GATB: variants seen among roughly 807,000 people sequenced by gnomAD.
GATB encodes the protein glutamyl-tRNA(Gln) amidotransferase subunit B, mitochondrial.
Under a neutral mutation model 62.3 loss-of-function variants are expected in GATB, and 39 were observed. The observed-to-expected ratio is 0.63, with a 90% CI of 0.48 to 0.82. The LOEUF is 0.82. Among genes scored for constraint, GATB ranks in the 40% least tolerant of loss-of-function variants. The pLI is 0.00. For synonymous variants in GATB, 276 were observed against 258.9 expected, an observed-to-expected ratio of 1.07 and a Z score of -0.63; for missense variants, 670 against 684.0, an observed-to-expected ratio of 0.98 and a Z score of 0.23.
At chr4:151,757,957 A>G (rs374465238) in intron 2 of GATB, among the ~76,000 whole-genome samples, 24 of 152,192 alleles carry the variant, frequency 1.6e-4, no homozygotes, top group African/African-American at 5.8e-4. Context: ...ATTAGCTAAA[A>G]CATTTACTTG....
Position 151,688,533 on chromosome 4 carries a change from G to A in GATB, c.1331+97C>T. The A allele has an allele frequency of 3.4e-6, 4 of 1,183,530 alleles. No individual in the cohort carries two copies. In the South Asian group the frequency reaches 6.0e-5, roughly 18 times the overall value. 73.3% of individuals were successfully genotyped at this position (1,183,530 alleles called of 1,614,324 possible). On this transcript the variant is annotated intron_variant, in intron 10 of 12. Coordinates refer to ENST00000263985, the MANE Select transcript of GATB (RefSeq NM_004564.3). The stretch of plus-strand genomic sequence containing the variant: ...TGTGTCATGTCAGGATATCCTGAGG[G>A]AGAACAGCAGGAGCAAAAAAATGGA...
chr4:151,701,251 C>T (rs1230545888), intron 9 of GATB, 78 bp downstream of exon 9: 1 of 1,206,012 alleles, frequency 8.3e-7, no homozygotes, highest in Non-Finnish European at 1.1e-6. Context: ...CCATGGCAGC[C>T]TGTGTGTGGC....
intron 2 of GATB, among the ~76,000 whole-genome samples, chr4:151,733,823 A>T (rs1433160459): frequency 6.6e-6 from 1 of 152,260 alleles, no homozygotes; most frequent in Non-Finnish European, 1.5e-5. Context: ...GGGATACACC[A>T]CATAAACAGA....
At chr4:151,721,961 G>A (rs1377754328) in intron 2 of GATB, 11 of 554,600 alleles carry the variant, frequency 2.0e-5, no homozygotes, top group Non-Finnish European at 3.2e-5. Context: ...GTGATACTGA[G>A]AATATGCTTT....
At chr4:151,683,500 G>C (rs1738184903) in intron 10 of GATB, among the ~76,000 whole-genome samples, 1 of 152,116 alleles carries the variant, frequency 6.6e-6, no homozygotes, top group Non-Finnish European at 1.5e-5. Flanking sequence ...CCTCTGACTT[G>C]ACCCCTAGCC....
Position 151,760,936 on chromosome 4 carries a change from G to A in GATB, c.47C>T (p.Ala16Val), listed in dbSNP as rs746009412. ...AGAACCACCGTCAACCCGGGCGAAA[G>A]CCCAACGTCTTCCACGGCAGCCCCA... The part of the protein sequence containing the change: ...LRWGCRGRRW[A>V]FARVDGGSCH... Residue 16 changes from alanine (A) to valine (V), a missense_variant, in exon 1 of 13, where the codon GCT becomes GTT. Transcript: ENST00000263985. 3.9e-5 allele frequency: 63 copies of A among 1,613,642 alleles called. No individual in the cohort carries two copies. The highest frequency in any genetic ancestry group is 4.9e-5 in the Non-Finnish European group (58 of 1,179,934).
In GATB at chr4:151,688,736, G is replaced by C. The variant is rs766116675; in HGVS notation, c.1225C>G (p.Gln409Glu). 1 of 1,607,028 alleles carries C rather than the reference G, an allele frequency of 6.2e-7. No homozygotes were observed. Among genetic ancestry groups the C allele is most frequent in the Admixed American group, 1.7e-5 (1 of 58,778 alleles). Reference protein sequence around the residue: ...LNEVGLLEFFQNVIKETRAEP... With the variant: ...LNEVGLLEFFENVIKETRAEP... Reference sequence around the variant, plus strand: ...GCCCTAGTTTCTTTTATCACATTTTGGAAGAACTCCAGTAGGCCGACTTCG... The same window carrying C: ...GCCCTAGTTTCTTTTATCACATTTTCGAAGAACTCCAGTAGGCCGACTTCG... Residue 409 changes from glutamine (Q) to glutamate (E), a missense_variant, in exon 10 of 13, where the codon CAA becomes GAA. By Grantham distance (29) the Gln-to-Glu change is conservative. Coordinates refer to ENST00000263985, the MANE Select transcript of GATB (RefSeq NM_004564.3).
At chr4:151,719,367 A>G in intron 3 of GATB, 58 bp downstream of exon 3, 1 of 1,246,956 alleles carries the variant, frequency 8.0e-7, no homozygotes, top group South Asian at 1.2e-5. Flanking sequence ...GACCCCCCAC[A>G]GCAGGGCTGG....
chr4:151,684,404 A>G (rs558583300), intron 10 of GATB, among the ~76,000 whole-genome samples: 1 of 152,362 alleles, frequency 6.6e-6, no homozygotes, highest in South Asian at 2.1e-4. Context: ...GCCAAGTTCA[A>G]CAAGAGGTTG....
At chr4:151,723,607 T>G (rs1167794293) in intron 2 of GATB, 1 of 152,240 alleles carries the variant, frequency 6.6e-6, no homozygotes, top group Non-Finnish European at 1.5e-5. Flanking sequence ...GGGCAAGCAT[T>G]GTGTTCTTTT....
intron 2 of GATB, chr4:151,723,215 G>C (rs1427015048): frequency 6.6e-6 from 1 of 152,170 alleles, no homozygotes; most frequent in African/African-American, 2.4e-5. Context: ...CTGACACTGT[G>C]TCAGGAGGTG....
chr4:151,748,154 A>G (rs569122620), intron 2 of GATB, among the ~76,000 whole-genome samples: 19 of 152,292 alleles, frequency 1.2e-4, no homozygotes, highest in South Asian at 2.1e-4. Flanking sequence ...ATAGAACTGG[A>G]AAAAACTACT....
intron 10 of GATB, among the ~76,000 whole-genome samples, chr4:151,687,867 TC>T (rs1396270415): frequency 6.6e-6 from 1 of 152,120 alleles, no homozygotes; most frequent in African/African-American, 2.4e-5. Context: ...ACCTCCAAAA[TC>T]ATGGGAAAGA....
At chr4:151,689,226 A>G (rs144826115) in intron 9 of GATB, among the ~76,000 whole-genome samples, 40 of 152,378 alleles carry the variant, frequency 2.6e-4, no homozygotes, top group African/African-American at 5.5e-4. Flanking sequence ...AAATCAAGAA[A>G]GAACAAACAG....
chr4:151,759,787 T>C (rs1739913492), intron 1 of GATB, among the ~76,000 whole-genome samples: 1 of 151,726 alleles, frequency 6.6e-6, no homozygotes, highest in South Asian at 2.1e-4. Flanking sequence ...ATTTTGTGTA[T>C]ATACATATAT....
intron 5 of GATB, among the ~76,000 whole-genome samples, chr4:151,712,344 T>C (rs1374181949): frequency 6.6e-6 from 1 of 152,228 alleles, no homozygotes; most frequent in Non-Finnish European, 1.5e-5. Flanking sequence ...TTAGGTTTAC[T>C]TCAATGCATT....
At chr4:151,705,135 T>C in intron 7 of GATB, 50 bp downstream of exon 7, 1 of 1,335,722 alleles carries the variant, frequency 7.5e-7, no homozygotes, top group Non-Finnish European at 1.1e-6. Flanking sequence ...AGCCCAGCCC[T>C]CTCGCACCAC....
chr4:151,680,154 A>C (rs1738107013), intron 10 of GATB, among the ~76,000 whole-genome samples: 1 of 152,178 alleles, frequency 6.6e-6, no homozygotes, highest in Admixed American at 6.5e-5. Flanking sequence ...AGCAACAGAC[A>C]ACTGCTCAGT....
At chr4:151,733,159 A>G (rs1739302705) in intron 2 of GATB, among the ~76,000 whole-genome samples, 2 of 152,210 alleles carry the variant, frequency 1.3e-5, no homozygotes, top group South Asian at 4.1e-4. Context: ...AAAAAAATAC[A>G]AAAGATAAAT....
Sources: gnomAD v4.1 joint callset for allele counts (sites outside exome capture counted in the v4.1 genomes callset) on GRCh38, gnomAD v4.1.1 for gene constraint, MANE v1.5 for transcripts, NCBI Gene and HGNC (gene_info 2026-07-23, HGNC 2026-07-21) for gene names.